The following ZCCHC7 variants were observed in gnomAD, a reference collection of about 807,000 sequenced individuals.
ZCCHC7 encodes zinc finger CCHC-type containing 7, also known as zinc finger CCHC domain-containing protein 7.
In ZCCHC7, 35 loss-of-function variants were observed where a neutral mutation model predicts 52.0. That is an observed-to-expected ratio of 0.67 (90% confidence interval 0.51 to 0.89). ZCCHC7 has a LOEUF of 0.89. ZCCHC7 is among the 40% of genes least tolerant of loss of function. The pLI, the probability that ZCCHC7 is intolerant of heterozygous loss-of-function variation, is 0.00. For missense variants in ZCCHC7, 574 were observed against 649.1 expected (o/e 0.88, Z 1.26); for synonymous variants, 217 against 221.5 (o/e 0.98, Z 0.18).
intron 2 of ZCCHC7, among the ~76,000 whole-genome samples, chr9:37,223,481 G>T (rs549158630): frequency 1.3e-5 from 2 of 152,196 alleles, no homozygotes; most frequent in South Asian, 4.1e-4. Context: ...GGTTACTGGG[G>T]GTTGGGTGGG....
At chr9:37,131,358 A>C (rs1270168059) in intron 2 of ZCCHC7, among the ~76,000 whole-genome samples, 1 of 150,034 alleles carries the variant, frequency 6.7e-6, no homozygotes, top group African/African-American at 2.5e-5. Context: ...AGAAAAAAAA[A>C]ATACAGGCCG....
intron 3 of ZCCHC7, among the ~76,000 whole-genome samples, chr9:37,303,874 G>C (rs1049784537): frequency 6.6e-6 from 1 of 151,604 alleles, no homozygotes; most frequent in Non-Finnish European, 1.5e-5. Flanking sequence ...TGTTGGTCAG[G>C]CTGGTTTTGA....
intron 6 of ZCCHC7, among the ~76,000 whole-genome samples, chr9:37,346,553 A>G (rs909058554): frequency 6.6e-6 from 1 of 152,074 alleles, no homozygotes; most frequent in African/African-American, 2.4e-5. Context: ...GCAAGCACCT[A>G]TGGTCCCAGC....
intron 5 of ZCCHC7, among the ~76,000 whole-genome samples, chr9:37,314,913 T>G (rs1829747766): frequency 6.6e-6 from 1 of 152,134 alleles, no homozygotes; most frequent in African/African-American, 2.4e-5. Flanking sequence ...TTTGCCAGCA[T>G]ACTAATCAAT....
intron 2 of ZCCHC7, among the ~76,000 whole-genome samples, chr9:37,147,921 G>GCTCT (rs1843507993): frequency 6.6e-6 from 1 of 152,022 alleles, no homozygotes; most frequent in Admixed American, 6.6e-5. Flanking sequence ...TTATAAAGAT[G>GCTCT]CTCTGTAAGA....
chr9:37,159,938 C>A (rs1188133883), intron 2 of ZCCHC7, among the ~76,000 whole-genome samples: 8 of 152,138 alleles, frequency 5.3e-5, no homozygotes, highest in African/African-American at 1.7e-4. Flanking sequence ...AAACTTAACA[C>A]AATAAATTAA....
At chr9:37,229,646 A>C (rs1228021481) in intron 2 of ZCCHC7, among the ~76,000 whole-genome samples, 1 of 152,248 alleles carries the variant, frequency 6.6e-6, no homozygotes, top group Non-Finnish European at 1.5e-5. Context: ...TTAGAACCAG[A>C]AGTTGCTCTG....
At chr9:37,229,843 C>T (rs988524376) in intron 2 of ZCCHC7, among the ~76,000 whole-genome samples, 1 of 152,206 alleles carries the variant, frequency 6.6e-6, no homozygotes, top group African/African-American at 2.4e-5. Context: ...TAATACTCAG[C>T]ATAAAATACA....
intron 5 of ZCCHC7, among the ~76,000 whole-genome samples, chr9:37,306,259 G>A (rs1829299916): frequency 6.6e-6 from 1 of 151,510 alleles, no homozygotes; most frequent in Non-Finnish European, 1.5e-5. Context: ...GTAGAGACGG[G>A]GGTTTCACCA....
At chr9:37,291,309 G>A (rs557106832) in intron 2 of ZCCHC7, among the ~76,000 whole-genome samples, 4 of 151,888 alleles carry the variant, frequency 2.6e-5, no homozygotes, top group Admixed American at 1.3e-4. Context: ...GTGGATATTG[G>A]TAGATGTTTT....
chr9:37,211,804 G>A (rs927625303), intron 2 of ZCCHC7, among the ~76,000 whole-genome samples: 29 of 151,922 alleles, frequency 1.9e-4, no homozygotes, highest in Non-Finnish European at 3.5e-4. Flanking sequence ...CAATGTGGGC[G>A]GATCACGAGG....
chr9:37,267,786 G>A (rs1443014684), intron 2 of ZCCHC7, among the ~76,000 whole-genome samples: 1 of 151,944 alleles, frequency 6.6e-6, no homozygotes, highest in Admixed American at 6.6e-5. Context: ...AGCCAGGATG[G>A]TCTCGATCTC....
At chr9:37,187,841 C>A (rs2133082515) in intron 2 of ZCCHC7, among the ~76,000 whole-genome samples, 1 of 151,890 alleles carries the variant, frequency 6.6e-6, no homozygotes, top group South Asian at 2.1e-4. Flanking sequence ...TGTTGTGGAA[C>A]CCATGGGTAT....
intron 2 of ZCCHC7, among the ~76,000 whole-genome samples, chr9:37,193,950 A>T (rs568820311): frequency 1.3e-5 from 2 of 152,158 alleles, no homozygotes; most frequent in Non-Finnish European, 2.9e-5. Context: ...TATTATTTGA[A>T]TGCCTCATCC....
At position 37,192,735 on chromosome 9, in the gene ZCCHC7, T is replaced by G. The variant is rs958547772; in HGVS notation, c.610+65793T>G. ...GTACGGCAGTCCTTCAACAAAGATA[T>G]CTATTAGTCGATAGATGTCATCCCC... On this transcript the variant is annotated intron_variant, in intron 2 of 8. Transcript: ENST00000336755. Among the ~76,000 whole-genome samples the G allele has an allele frequency of 3.9e-5, 6 of 152,318 alleles. No homozygotes were observed. The East Asian group carries it at 1.2e-3, about 29-fold the overall frequency.
chr9:37,201,309 A>G (rs1211645975), intron 2 of ZCCHC7, among the ~76,000 whole-genome samples: 2 of 152,124 alleles, frequency 1.3e-5, no homozygotes, highest in African/African-American at 4.8e-5. Flanking sequence ...AAAAGGATCA[A>G]AGAGAAAAAG....
At chr9:37,225,180 G>C (rs751519722) in intron 2 of ZCCHC7, among the ~76,000 whole-genome samples, 2 of 152,158 alleles carry the variant, frequency 1.3e-5, no homozygotes, top group African/African-American at 2.4e-5. Flanking sequence ...ACATCACACA[G>C]ATCCTAAATT....
chr9:37,312,957 G>T (rs7046268), intron 5 of ZCCHC7, among the ~76,000 whole-genome samples: 2 of 152,076 alleles, frequency 1.3e-5, no homozygotes, highest in African/African-American at 4.8e-5. Flanking sequence ...ACTTAGATGT[G>T]TAAAATCACG....
intron 2 of ZCCHC7, among the ~76,000 whole-genome samples, chr9:37,211,503 A>C (rs367882085): frequency 1.3e-5 from 2 of 150,736 alleles, no homozygotes; most frequent in East Asian, 3.9e-4. Flanking sequence ...GATTCACACT[A>C]GAGATTTTTT....
Sources: gnomAD v4.1 joint callset for allele counts (sites outside exome capture counted in the v4.1 genomes callset) on GRCh38, gnomAD v4.1.1 for gene constraint, MANE v1.5 for transcripts, NCBI Gene and HGNC (gene_info 2026-07-23, HGNC 2026-07-21) for gene names.